Variants in LMOD1 observed in about 807,000 individuals in gnomAD.
LMOD1 encodes the protein leiomodin-1.
In LMOD1, 8 loss-of-function variants were observed where a neutral mutation model predicts 36.5. The observed-to-expected ratio is 0.22, with a 90% CI of 0.13 to 0.40. LMOD1 has a LOEUF of 0.40. LMOD1 is among the 10% of genes least tolerant of loss of function. The pLI is 1.00. For synonymous variants in LMOD1, 284 were observed against 288.7 expected, an observed-to-expected ratio of 0.98 and a Z score of 0.17; for missense variants, 630 against 751.1, an observed-to-expected ratio of 0.84 and a Z score of 1.88.
chr1:201,929,198 G>A (rs933437094), intron 1 of LMOD1, among the ~76,000 whole-genome samples: 1 of 151,980 alleles, frequency 6.6e-6, no homozygotes, highest in Admixed American at 6.6e-5. Flanking sequence ...TGCCTCCTGG[G>A]TTCAAGTGAT....
intron 1 of LMOD1, among the ~76,000 whole-genome samples, chr1:201,911,094 C>T (rs1367395930): frequency 6.6e-6 from 1 of 152,174 alleles, no homozygotes; most frequent in African/African-American, 2.4e-5. Flanking sequence ...AAGCACACAA[C>T]ACAAACCCAA....
chr1:201,928,863 G>C (rs1681871831), intron 1 of LMOD1, among the ~76,000 whole-genome samples: 1 of 150,998 alleles, frequency 6.6e-6, no homozygotes, highest in Non-Finnish European at 1.5e-5. Context: ...TTACAGGTGT[G>C]TGCCACTATG....
chr1:201,902,308 A>C (rs1681344679), intron 1 of LMOD1, among the ~76,000 whole-genome samples: 1 of 151,740 alleles, frequency 6.6e-6, no homozygotes. Flanking sequence ...GGGTCAGCTG[A>C]TCTCTGGAAG....
chr1:201,928,902 G>C (rs1285537206), intron 1 of LMOD1, among the ~76,000 whole-genome samples: 1 of 151,772 alleles, frequency 6.6e-6, no homozygotes, highest in Non-Finnish European at 1.5e-5. Context: ...GTTTTTAGTA[G>C]AGACGGGGTT....
chr1:201,912,849 G>A lies in LMOD1; in HGVS notation c.262-12098C>T, dbSNP rs1344710111. On this transcript the variant is annotated intron_variant, in intron 1 of 2. Coordinates refer to ENST00000367288, the MANE Select transcript of LMOD1 (RefSeq NM_012134.3). ...ACTCCCAGCCTAGAGGTGACAGTGT[G>A]GGTGACAGAGTGAGACTCCATCTCA... 2.0e-5 allele frequency among the ~76,000 whole-genome samples: 3 copies of A among 152,132 alleles called. No homozygotes were observed. In the East Asian group the frequency reaches 5.8e-4, roughly 29 times the overall value.
In LMOD1 at chr1:201,897,288, T is replaced by A. The variant is rs999995718; in HGVS notation, c.*1084A>T. The A allele has an allele frequency of 5.9e-6, 1 of 169,682 alleles. No individual in the cohort carries two copies. Among genetic ancestry groups the A allele is most frequent in the South Asian group, 1.4e-4 (1 of 7,194 alleles). The allele number at this position is 169,682 out of a possible 1,614,324, so 10.5% of individuals were successfully genotyped here. ...CTGAGCCCATGGTTAGGCAGAGTCATGGAATGAGCATCCCTGAACATGCCT... is the reference window on the plus strand; with the variant it reads ...CTGAGCCCATGGTTAGGCAGAGTCAAGGAATGAGCATCCCTGAACATGCCT... On this transcript the variant is annotated 3_prime_UTR_variant, in exon 3 of 3. Coordinates refer to ENST00000367288, the MANE Select transcript of LMOD1 (RefSeq NM_012134.3).
chr1:201,936,963 G>GTCTGTC (rs1682030538), intron 1 of LMOD1, among the ~76,000 whole-genome samples: 1 of 151,954 alleles, frequency 6.6e-6, no homozygotes, highest in Non-Finnish European at 1.5e-5. Flanking sequence ...CTGCTCAAAT[G>GTCTGTC]TCACCTCTTT....
chr1:201,937,427 A>G (rs1012505956), intron 1 of LMOD1, among the ~76,000 whole-genome samples: 7 of 152,068 alleles, frequency 4.6e-5, no homozygotes, highest in African/African-American at 1.7e-4. Flanking sequence ...AGCCTGGGCA[A>G]CAGAGTAAGA....
intron 1 of LMOD1, among the ~76,000 whole-genome samples, chr1:201,930,686 G>A (rs558509631): frequency 2.0e-4 from 31 of 152,218 alleles, no homozygotes; most frequent in African/African-American, 7.2e-4. Context: ...GAGAGCATAC[G>A]GGGATAACTG....
Position 201,900,598 on chromosome 1 carries a change from C to G in LMOD1, c.415G>C (p.Asp139His), listed in dbSNP as rs769532248. 9 of 1,613,818 alleles carry G rather than the reference C, an allele frequency of 5.6e-6. No homozygotes were observed. The Admixed American group carries it at 1.5e-4, about 27-fold the overall frequency. The change falls in exon 2 of 3, where the codon GAT becomes CAT. Residue 139 changes from aspartate (D) to histidine (H), a missense_variant. By Grantham distance (81) the Asp-to-His change is moderately conservative. This residue lies in a region of LMOD1 where 405 missense variants were observed against 400.6 expected (regional missense o/e 1.01). Transcript: ENST00000367288. ...TCGCCACTCTTGCCACCAGCTTCAT[C>G]TCTGTCTCTAGAGAAGCTTTTCTTT... is the stretch of plus-strand genomic sequence containing the variant. ...GLKKSFSRDR[D>H]EAGGKSGEKP...
chr1:201,933,660 G>A (rs376304081), intron 1 of LMOD1, among the ~76,000 whole-genome samples: 1 of 144,316 alleles, frequency 6.9e-6, no homozygotes, highest in Admixed American at 7.3e-5. Flanking sequence ...AATCAGGATA[G>A]GGGCTATCTT....
At chr1:201,941,509 T>C (rs1682114459) in intron 1 of LMOD1, among the ~76,000 whole-genome samples, 1 of 152,150 alleles carries the variant, frequency 6.6e-6, no homozygotes, top group Non-Finnish European at 1.5e-5. Flanking sequence ...CCAGGGCTAT[T>C]TTGGGTGTGT....
At chr1:201,915,555 C>T (rs72744814) in intron 1 of LMOD1, among the ~76,000 whole-genome samples, 6 of 152,014 alleles carry the variant, frequency 3.9e-5, no homozygotes, top group East Asian at 1.9e-4. Context: ...AATCAGAACC[C>T]GGCTGGGAAG....
chr1:201,932,606 G>C (rs906944011), intron 1 of LMOD1, among the ~76,000 whole-genome samples: 6 of 152,010 alleles, frequency 3.9e-5, no homozygotes, highest in African/African-American at 1.5e-4. Flanking sequence ...AAAAAAATTA[G>C]CCAGGTATGG....
In LMOD1 at chr1:201,921,948, A is replaced by G. The variant is rs1215601043; in HGVS notation, c.262-21197T>C. On this transcript the variant is annotated intron_variant, in intron 1 of 2. Coordinates refer to ENST00000367288, the MANE Select transcript of LMOD1 (RefSeq NM_012134.3). The stretch of plus-strand genomic sequence containing the variant: ...GCACTCCAGCCTGGGCGACAGAGTG[A>G]GATTCCATCTCAAAAAAAAAAAGAA... Among the ~76,000 whole-genome samples, 3 of 117,912 alleles carry G rather than the reference A, an allele frequency of 2.5e-5. No homozygotes were observed. The Admixed American group carries it at 3.0e-4, about 12-fold the overall frequency. 77.4% of individuals were successfully genotyped at this position (117,912 alleles called of 152,430 possible).
chr1:201,899,310 G>A lies in LMOD1; in HGVS notation c.1703C>T (p.Pro568Leu), dbSNP rs2102907154. The change falls in exon 2 of 3, where the codon CCT becomes CTT. Residue 568 changes from proline to leucine, a missense_variant. Around this residue, in one of 3 missense-constraint regions of LMOD1, gnomAD observed 144 missense variants for 169.8 expected, o/e 0.85. Coordinates refer to ENST00000367288, the MANE Select transcript of LMOD1 (RefSeq NM_012134.3). This position sits in a 1 kb window ranked among gnomAD's most constrained non-coding sequence, Gnocchi z 6.3. ...GTCACGGGAGTTCTTCTCCTGGGCA[G>A]GGAGGACTTTGTCTCCCATCTTCCT... is the stretch of plus-strand genomic sequence containing the variant. ...TQRKMGDKVL[P>L]AQEKNSRDQL... 6.2e-7 allele frequency: 1 copy of A among 1,611,196 alleles called. No homozygotes were observed. Among genetic ancestry groups the A allele is most frequent in the Non-Finnish European group, 8.5e-7 (1 of 1,178,544 alleles).
At chr1:201,901,704 A>ATG (rs1167595220) in intron 1 of LMOD1, among the ~76,000 whole-genome samples, 2 of 136,280 alleles carry the variant, frequency 1.5e-5, no homozygotes, top group Admixed American at 7.6e-5. Context: ...ATATATATAT[A>ATG]TGTGAAAACA....
intron 1 of LMOD1, among the ~76,000 whole-genome samples, chr1:201,937,248 C>T (rs908958278): frequency 3.3e-5 from 5 of 152,044 alleles, no homozygotes; most frequent in Non-Finnish European, 7.4e-5. Context: ...GAGTTCAAGA[C>T]CAGCCTTGGC....
At chr1:201,901,499 T>G (rs1284487030) in intron 1 of LMOD1, among the ~76,000 whole-genome samples, 1 of 96,910 alleles carries the variant, frequency 1.0e-5, no homozygotes, top group Non-Finnish European at 2.1e-5. Flanking sequence ...CGAAACTCTG[T>G]CTCAAAAAAA....
Sources: allele counts gnomAD v4.1 joint callset (sites outside exome capture counted in the v4.1 genomes callset), GRCh38; gene constraint gnomAD v4.1.1; regional missense constraint gnomAD v4.1.1; non-coding constraint Gnocchi (gnomAD v3.1); transcripts MANE v1.5; gene names NCBI Gene and HGNC (gene_info 2026-07-23, HGNC 2026-07-21).